INTS14: variants seen among roughly 807,000 people sequenced by gnomAD.
INTS14 encodes integrator complex subunit 14, also known as UPF0464 protein C15orf44.
Under a neutral mutation model 56.9 loss-of-function variants are expected in INTS14, and 27 were observed. That is an observed-to-expected ratio of 0.47 (90% CI 0.35 to 0.65). The LOEUF (loss-of-function observed/expected upper bound fraction) is 0.65. INTS14 is among the 30% of genes least tolerant of loss of function. INTS14 has a pLI of 0.00. For synonymous variants in INTS14, 207 were observed against 236.2 expected (o/e 0.88, Z 1.13); for missense variants, 517 against 632.2 (o/e 0.82, Z 1.95).
Position 65,607,257 on chromosome 15 carries a change from T to A in INTS14, c.124A>T (p.Met42Leu). The A allele has an allele frequency of 6.2e-7, 1 of 1,614,236 alleles. No individual in the cohort carries two copies. Among genetic ancestry groups the A allele is most frequent in the Non-Finnish European group, 8.5e-7 (1 of 1,180,046 alleles). Residue 42 changes from methionine (M) to leucine (L), a missense_variant, in exon 2 of 12, where the codon ATG becomes TTG. Coordinates refer to ENST00000313182, the MANE Select transcript of INTS14 (RefSeq NM_001394796.1). ...AHGLTMLFEH[M>L]ATNYKLEFTA... ...AATTCAAGCTTGTAATTTGTGGCCA[T>A]GTGCTCAAACAGCATCGTTAAACCA...
chr15:65,593,569 CCTT>C lies in INTS14; in HGVS notation c.842_844del (p.Glu281del). 6.2e-7 allele frequency: 1 copy of C among 1,605,466 alleles called. No homozygotes were observed. Among genetic ancestry groups the C allele is most frequent in the Non-Finnish European group, 8.5e-7 (1 of 1,177,426 alleles). On this transcript the variant is annotated inframe_deletion and splice_region_variant, in exon 8 of 12. Transcript: ENST00000313182. ...AGTGATGCCAGTACCCACCTCATCA[CCTT>C]CTGTGAAAAAAAGAGAAAACAGGTC...
chr15:65,607,286 G>A lies in INTS14; in HGVS notation c.95C>T (p.Ala32Val). The A allele has an allele frequency of 6.2e-7, 1 of 1,614,198 alleles. No individual in the cohort carries two copies. The highest frequency in any genetic ancestry group is 1.6e-4 in the Middle Eastern group (1 of 6,062). ...CTCAAACAGCATCGTTAAACCATGG[G>A]CTGCTAGGTGCTTACGCTGGTATTC... ...SEEYQRKHLA[A>V]HGLTMLFEHM... Residue 32 changes from alanine to valine, a missense_variant, in exon 2 of 12, where the codon GCC becomes GTC. Physicochemically the swap from Ala to Val is moderately conservative, Grantham distance 64 (BLOSUM62 0). Coordinates refer to ENST00000313182, the MANE Select transcript of INTS14 (RefSeq NM_001394796.1).
chr15:65,596,306 G>A (rs2073209802), intron 6 of INTS14, among the ~76,000 whole-genome samples: 1 of 152,168 alleles, frequency 6.6e-6, no homozygotes, highest in East Asian at 1.9e-4. Flanking sequence ...TATAGACGCT[G>A]TAGTAAAGAC....
intron 11 of INTS14, among the ~76,000 whole-genome samples, chr15:65,581,744 C>G (rs943633110): frequency 3.3e-5 from 5 of 151,952 alleles, no homozygotes; most frequent in African/African-American, 7.3e-5. Flanking sequence ...CACAGAAAAA[C>G]CTTCTGCCTG....
intron 9 of INTS14, among the ~76,000 whole-genome samples, chr15:65,589,816 C>T (rs1377303683): frequency 6.6e-6 from 1 of 152,120 alleles, no homozygotes; most frequent in African/African-American, 2.4e-5. Flanking sequence ...CTCATTCTCA[C>T]CATTTTAACT....
In INTS14 at chr15:65,591,743, G is replaced by T. The variant is rs1490061165; in HGVS notation, c.987-12C>A. 6.2e-7 allele frequency: 1 copy of T among 1,613,160 alleles called. No individual in the cohort carries two copies. Among genetic ancestry groups the T allele is most frequent in the Admixed American group, 1.7e-5 (1 of 59,832 alleles). ...CATGCCATTCAGGACTAGATGGAGA[G>T]AAGACGGAAGATCAGAAGAACATCA... On this transcript the variant is annotated splice_polypyrimidine_tract_variant and intron_variant, in intron 8 of 11. Transcript: ENST00000313182.
In INTS14 at chr15:65,605,114, AG is replaced by A. The variant is rs771799849; in HGVS notation, c.330+14del. 1.2e-6 allele frequency: 2 copies of A among 1,602,336 alleles called. No homozygotes were observed. The highest frequency in any genetic ancestry group is 1.7e-6 in the Non-Finnish European group (2 of 1,169,324). ...TGTTGTTAACTTAGGGCAATGAAAA[AG>A]AATTGATCATTACCTGGCAAGGAAT... On this transcript the variant is annotated intron_variant, in intron 3 of 11. Transcript: ENST00000313182.
In INTS14 at chr15:65,591,693, C is replaced by T; in HGVS notation, c.1025G>A (p.Ser342Asn). The change falls in exon 9 of 12, where the codon AGC (serine) becomes AAC (asparagine). Residue 342 changes from serine (S) to asparagine (N), a missense_variant. Ser to Asn is a conservative substitution (Grantham distance 46). Transcript: ENST00000313182. ...CATCATGAGGTTTGATTTCTTCTTG[C>T]TGTCAGCTTGGGAGTAGAGCATTCC... Reference protein sequence around the residue: ...WHGMLYSQADSKKKSNLMMSL... With the variant: ...WHGMLYSQADNKKKSNLMMSL... The T allele has an allele frequency of 1.2e-6, 2 of 1,614,158 alleles. No homozygotes were observed. The highest frequency in any genetic ancestry group is 1.7e-6 in the Non-Finnish European group (2 of 1,179,998).
At chr15:65,599,281 C>G in intron 4 of INTS14, 1 of 243,680 alleles carries the variant, frequency 4.1e-6, no homozygotes, top group Non-Finnish European at 7.8e-6. Flanking sequence ...GTGTTTCTAA[C>G]GTCTTTTGGT....
intron 11 of INTS14, among the ~76,000 whole-genome samples, chr15:65,580,611 CAT>C (rs1461698708): frequency 3.3e-5 from 5 of 152,180 alleles, no homozygotes; most frequent in Non-Finnish European, 7.3e-5. Flanking sequence ...ACAACAGTGA[CAT>C]AAAGGTAATG....
chr15:65,599,679 A>G, intron 4 of INTS14, 95 bp downstream of exon 4: 2 of 1,323,706 alleles, frequency 1.5e-6, no homozygotes, highest in South Asian at 3.2e-5. Context: ...TCAATGCTAC[A>G]GTATATACAA....
At chr15:65,604,042 T>C (rs1453096314) in intron 3 of INTS14, among the ~76,000 whole-genome samples, 1 of 152,238 alleles carries the variant, frequency 6.6e-6, no homozygotes, top group Non-Finnish European at 1.5e-5. Flanking sequence ...GATTTGATAC[T>C]AATGTGGCCT....
At position 65,605,157 on chromosome 15, in the gene INTS14, T is replaced by C; in HGVS notation, c.302A>G (p.Gln101Arg). Residue 101 changes from glutamine to arginine, a missense_variant, in exon 3 of 12, where the codon CAA becomes CGA. Coordinates refer to ENST00000313182, the MANE Select transcript of INTS14 (RefSeq NM_001394796.1). Reference sequence around the variant, plus strand: ...GCAAGGAATTGCACCACCCCATTCTTGCTGAACGATATTGCAAACACCAAC... The same window carrying C: ...GCAAGGAATTGCACCACCCCATTCTCGCTGAACGATATTGCAAACACCAAC... ...ALVGVCNIVQQEWGGAIPCQV... is the reference protein window; with the variant it reads ...ALVGVCNIVQREWGGAIPCQV... 1.2e-6 allele frequency: 2 copies of C among 1,614,162 alleles called. No homozygotes were observed. The highest frequency in any genetic ancestry group is 8.5e-7 in the Non-Finnish European group (1 of 1,179,990).
At position 65,607,094 on chromosome 15, in the gene INTS14, A is replaced by G. The variant is rs533315372; in HGVS notation, c.222+65T>C. The G allele has an allele frequency of 5.5e-5, 86 of 1,570,802 alleles. No homozygotes were observed. The South Asian group carries it at 5.6e-4, about 10-fold the overall frequency. On this transcript the variant is annotated intron_variant, in intron 2 of 11. Coordinates refer to ENST00000313182, the MANE Select transcript of INTS14 (RefSeq NM_001394796.1). ...CAAAGTTCTAAATATTCAACGCATTATAACACTGTTTTCCTCCCAATAAAT... is the reference window on the plus strand; with the variant it reads ...CAAAGTTCTAAATATTCAACGCATTGTAACACTGTTTTCCTCCCAATAAAT...
intron 6 of INTS14, 85 bp from the exon 7 acceptor site, chr15:65,595,910 GT>G: frequency 1.9e-6 from 2 of 1,032,754 alleles, no homozygotes; most frequent in Non-Finnish European, 2.8e-6. Flanking sequence ...CAAATGCACT[GT>G]TTAGGTTGGG....
intron 1 of INTS14, among the ~76,000 whole-genome samples, chr15:65,609,204 C>A (rs1277961102): frequency 6.6e-6 from 1 of 152,228 alleles, no homozygotes; most frequent in African/African-American, 2.4e-5. Context: ...CCACCTGCCT[C>A]TGCCTCCCAA....
chr15:65,580,061 TG>T lies in INTS14; in HGVS notation c.1306-403del, dbSNP rs144724075. The stretch of plus-strand genomic sequence containing the variant: ...TCTTAACCCTCTGATGCCACTGTGG[TG>T]GGGCCTCAGGCTAAGACAATAAACA... On this transcript the variant is annotated intron_variant, in intron 11 of 11. Transcript: ENST00000313182. 7.5e-3 allele frequency among the ~76,000 whole-genome samples: 1,140 copies of T among 152,250 alleles called. 13 individuals are homozygous for T. Among genetic ancestry groups the T allele is most frequent in the African/African-American group, 0.026 (1,087 of 41,546 alleles).
chr15:65,602,206 T>A (rs1484037476), intron 3 of INTS14, among the ~76,000 whole-genome samples: 3 of 151,602 alleles, frequency 2.0e-5, no homozygotes, highest in Non-Finnish European at 4.4e-5. Context: ...GCCACTGCAC[T>A]CAAGCCTGGG....
intron 2 of INTS14, among the ~76,000 whole-genome samples, chr15:65,606,300 C>A (rs968612904): frequency 7.5e-5 from 11 of 147,294 alleles, no homozygotes; most frequent in Admixed American, 4.7e-4. Flanking sequence ...AATTATTTAA[C>A]AAAATTTTGT....
Sources: allele counts gnomAD v4.1 joint callset (sites outside exome capture counted in the v4.1 genomes callset), GRCh38; gene constraint gnomAD v4.1.1; transcripts MANE v1.5; gene names NCBI Gene and HGNC (gene_info 2026-07-23, HGNC 2026-07-21).